Variants in ABCA2 observed in about 807,000 individuals in gnomAD.
ABCA2 encodes ATP binding cassette subfamily A member 2, also known as ATP-binding cassette sub-family A member 2.
Under a neutral mutation model 262.8 loss-of-function variants are expected in ABCA2, and 84 were observed. That is an observed-to-expected ratio of 0.32 (90% CI 0.27 to 0.38). The LOEUF (loss-of-function observed/expected upper bound fraction) is 0.38. Ranked by LOEUF, ABCA2 falls within the 10% of genes least tolerant of loss-of-function variation. ABCA2 has a pLI of 1.00. For missense variants in ABCA2, 2,662 were observed against 3,405.9 expected, an observed-to-expected ratio of 0.78 and a Z score of 5.44; for synonymous variants, 1,696 against 1,502.9, an observed-to-expected ratio of 1.13 and a Z score of -2.97.
chr9:137,008,096 T>C lies in ABCA2; in HGVS notation c.7276-132A>G. 2.5e-6 allele frequency: 3 copies of C among 1,182,376 alleles called. No individual in the cohort carries two copies. In the South Asian group the frequency reaches 4.3e-5, roughly 17 times the overall value. The allele number at this position is 1,182,376 out of a possible 1,614,324, so 73.2% of individuals were successfully genotyped here. A position where few individuals can be genotyped will look rare whatever the true frequency, so the allele number is the denominator to read the frequency against. On this transcript the variant is annotated intron_variant, in intron 48 of 48. Transcript: ENST00000341511. ...ACGCAGGGTCTCCCCACGAGCTCCC[T>C]CTGTGTCTGGGCTCTCCCGGGCCTC...
intron 45 of ABCA2, 92 bp from the exon 46 acceptor site, chr9:137,009,145 C>A: frequency 7.7e-7 from 1 of 1,297,728 alleles, no homozygotes. Flanking sequence ...CCACAGGCAC[C>A]CCAGGAAGCC....
intron 1 of ABCA2, among the ~76,000 whole-genome samples, chr9:137,025,368 G>A (rs1227490465): frequency 2.6e-5 from 4 of 152,310 alleles, no homozygotes; most frequent in Non-Finnish European, 4.4e-5. Context: ...CAGGACAGAG[G>A]GGCCCTGCCC....
chr9:137,016,745 G>T lies in ABCA2; in HGVS notation c.2759-7C>A. The T allele has an allele frequency of 6.5e-7, 1 of 1,544,314 alleles. No individual in the cohort carries two copies. The highest frequency in any genetic ancestry group is 1.4e-5 in the African/African-American group (1 of 73,602). Reference sequence around the variant, plus strand: ...CGGGGCAGCCCGTACATGCCTGGGGGTCGGGGAGGGGAGGGGAGGCTGACC... The same window carrying T: ...CGGGGCAGCCCGTACATGCCTGGGGTTCGGGGAGGGGAGGGGAGGCTGACC... On this transcript the variant is annotated splice_region_variant and splice_polypyrimidine_tract_variant and intron_variant, in intron 19 of 48. Transcript: ENST00000341511.
Position 137,008,913 on chromosome 9 carries a change from G to A in ABCA2, c.6930+38C>T, listed in dbSNP as rs371871913. 48 of 743,664 alleles carry A rather than the reference G, an allele frequency of 6.5e-5. No individual in the cohort carries two copies. In the Middle Eastern group the frequency reaches 4.3e-3, roughly 66 times the overall value. The allele number at this position is 743,664 out of a possible 1,614,324, so 46.1% of individuals were successfully genotyped here. A position where few individuals can be genotyped will look rare whatever the true frequency, so the allele number is the denominator to read the frequency against. ...AGGCCTGGCAGCGCCCCCCCACCCCGTAGCGCCCCCTCCACAACCCTGCCC... is the reference window on the plus strand; with the variant it reads ...AGGCCTGGCAGCGCCCCCCCACCCCATAGCGCCCCCTCCACAACCCTGCCC... On this transcript the variant is annotated intron_variant, in intron 46 of 48. Coordinates refer to ENST00000341511, the MANE Select transcript of ABCA2 (RefSeq NM_001606.5).
In ABCA2 at chr9:137,013,329, C is replaced by T. The variant is rs1333655512; in HGVS notation, c.4551-11G>A. 16 of 1,539,086 alleles carry T rather than the reference C, an allele frequency of 1.0e-5. No individual in the cohort carries two copies. The highest frequency in any genetic ancestry group is 2.2e-4 in the Middle Eastern group (1 of 4,454). On this transcript the variant is annotated splice_polypyrimidine_tract_variant and intron_variant, in intron 29 of 48. Transcript: ENST00000341511. ...GGCGATAGCCGCAGCCTGCGGGCAC[C>T]GACAGTGTGAGGTGGGGCTGCCAGT... is the stretch of plus-strand genomic sequence containing the variant.
Position 137,012,765 on chromosome 9 carries a change from G to T in ABCA2, c.5028C>A (p.Gly1676=), listed in dbSNP as rs1344196896. 1.9e-6 allele frequency: 3 copies of T among 1,612,562 alleles called. No individual in the cohort carries two copies. The highest frequency in any genetic ancestry group is 2.7e-5 in the African/African-American group (2 of 74,936). ...AGAGCAGGTACTCAGAGACATTGTG[G>T]CCGGTGATGTCGGTCAGGATGTCGC... ...VTGDILTDIT[G]HNVSEYLLFT... is the part of the protein sequence containing the mutation. The change falls in exon 31 of 49, where the codon GGC becomes GGA. Residue 1676 remains glycine (G), a synonymous_variant. Transcript: ENST00000341511.
In ABCA2 at chr9:137,020,927, G is replaced by A; in HGVS notation, c.1032C>T (p.Ala344=). Residue 344 remains alanine, a synonymous_variant, in exon 9 of 49, where the codon GCC becomes GCT. Coordinates refer to ENST00000341511, the MANE Select transcript of ABCA2 (RefSeq NM_001606.5). Reference sequence around the variant, plus strand: ...TGCAGGCACCCTGGGGCAGTAGCAGGGCCAGGGCCGACAGGACATCCACAT... The same window carrying A: ...TGCAGGCACCCTGGGGCAGTAGCAGAGCCAGGGCCGACAGGACATCCACAT... ...LQDVDVLSAL[A]LLLPQGACTG... 6.4e-7 allele frequency: 1 copy of A among 1,566,208 alleles called. No individual in the cohort carries two copies. The highest frequency in any genetic ancestry group is 8.7e-7 in the Non-Finnish European group (1 of 1,155,836).
rs2131431466 is a variant in ABCA2, at chr9:137,010,822, G to GCATGTA, written c.6057-91_6057-86dup. The GCATGTA allele has an allele frequency of 4.0e-6, 6 of 1,491,908 alleles. No individual in the cohort carries two copies. In the South Asian group the frequency reaches 6.0e-5, roughly 15 times the overall value. The allele number at this position is 1,491,908 out of a possible 1,614,324, so 92.4% of individuals were successfully genotyped here. A position where few individuals can be genotyped will look rare whatever the true frequency, so the allele number is the denominator to read the frequency against. On this transcript the variant is annotated intron_variant, in intron 39 of 48. Transcript: ENST00000341511. Reference sequence around the variant, plus strand: ...ACCAGCCTCGCATCCTCTGGCTGTGGCATGTAAGAAGGGTGGGCAGGCCCC... The same window carrying GCATGTA: ...ACCAGCCTCGCATCCTCTGGCTGTGGCATGTACATGTAAGAAGGGTGGGCAGGCCCC...
In ABCA2 at chr9:137,008,572, C is replaced by T. The variant is rs1234804377; in HGVS notation, c.7119G>A (p.Glu2373=). 2.5e-6 allele frequency: 4 copies of T among 1,609,196 alleles called. No individual in the cohort carries two copies. Among genetic ancestry groups the T allele is most frequent in the Non-Finnish European group, 3.4e-6 (4 of 1,178,530 alleles). Residue 2373 remains glutamate, a synonymous_variant, in exon 48 of 49, where the codon GAG becomes GAA. Transcript: ENST00000341511. The part of the protein sequence containing the change: ...KKQSDNLEQQ[E]TEPPSALQSP... Reference sequence around the variant, plus strand: ...ACTGCAGTGCGGATGGCGGCTCCGTCTCCTGCTGCTCCAGGTTGTCACTCT... The same window carrying T: ...ACTGCAGTGCGGATGGCGGCTCCGTTTCCTGCTGCTCCAGGTTGTCACTCT...
chr9:137,013,076 G>A lies in ABCA2; in HGVS notation c.4793C>T (p.Pro1598Leu). Residue 1598 changes from proline to leucine, a missense_variant, in exon 30 of 49, where the codon CCA becomes CTA. Physicochemically the swap from Pro to Leu is moderately conservative, Grantham distance 98. Transcript: ENST00000341511. Reference sequence around the variant, plus strand: ...ATCCGGGGACGCTGGCGAGTCAGATGGGGCGGGCGAGGGTGGGGGTGGCAC... The same window carrying A: ...ATCCGGGGACGCTGGCGAGTCAGATAGGGCGGGCGAGGGTGGGGGTGGCAC... ...NFVPPPPSPA[P>L]SDSPASPDED... The A allele has an allele frequency of 6.4e-7, 1 of 1,568,796 alleles. No individual in the cohort carries two copies. The highest frequency in any genetic ancestry group is 8.6e-7 in the Non-Finnish European group (1 of 1,160,206).
At chr9:137,008,059 G>A in intron 48 of ABCA2, 95 bp from the exon 49 acceptor site, 1 of 1,472,010 alleles carries the variant, frequency 6.8e-7, no homozygotes, top group South Asian at 1.3e-5. Context: ...CCCTCCTGCA[G>A]GCTGGGCCTG....
intron 45 of ABCA2, 97 bp downstream of exon 45, chr9:137,009,273 C>T: frequency 1.8e-6 from 2 of 1,138,962 alleles, no homozygotes; most frequent in East Asian, 2.9e-5. Context: ...GGCCCCACAG[C>T]CCTCACAGCC....
chr9:137,023,376 T>G lies in ABCA2; in HGVS notation c.164-324A>C, dbSNP rs576338715. ...TCTCCCCCCGAAAACGTTTCAGGTG[T>G]GGCACTGCCTACAGAGCCCAGGGGA... On this transcript the variant is annotated intron_variant, in intron 3 of 48. Transcript: ENST00000341511. 43 of 707,158 alleles carry G rather than the reference T, an allele frequency of 6.1e-5. No individual in the cohort carries two copies. The East Asian group carries it at 1.0e-3, about 17-fold the overall frequency. The allele number at this position is 707,158 out of a possible 1,614,324, so 43.8% of individuals were successfully genotyped here. A position where few individuals can be genotyped will look rare whatever the true frequency, so the allele number is the denominator to read the frequency against.
intron 46 of ABCA2, 32 bp from the exon 47 acceptor site, chr9:137,008,900 G>GCCCCCCCCCCCCCCTTGCGCCCC (rs59031144): frequency 2.6e-6 from 4 of 1,556,396 alleles, no homozygotes; most frequent in Admixed American, 1.7e-5. Flanking sequence ...GCCTGGCAGC[G>GCCCCCCCCCCCCCCTTGCGCCCC]CCCCCCCACC....
Position 137,019,380 on chromosome 9 carries a change from C to A in ABCA2, c.1426-74G>T. 5.8e-6 allele frequency: 9 copies of A among 1,558,294 alleles called. No homozygotes were observed. Among genetic ancestry groups the A allele is most frequent in the Non-Finnish European group, 8.7e-7 (1 of 1,144,754 alleles). ...GACTTGGGGGCTCTCACCCCACTCACCTCCCCAGTGGCTGGTCCATTGCCA... is the reference window on the plus strand; with the variant it reads ...GACTTGGGGGCTCTCACCCCACTCAACTCCCCAGTGGCTGGTCCATTGCCA... On this transcript the variant is annotated intron_variant, in intron 10 of 48. Coordinates refer to ENST00000341511, the MANE Select transcript of ABCA2 (RefSeq NM_001606.5). This position sits in a 1 kb window ranked among gnomAD's most constrained non-coding sequence, Gnocchi z 4.4.
Position 137,013,481 on chromosome 9 carries a change from G to A in ABCA2, c.4530C>T (p.Asn1510=), listed in dbSNP as rs762012419. 57 of 1,608,578 alleles carry A rather than the reference G, an allele frequency of 3.5e-5. No individual in the cohort carries two copies. The highest frequency in any genetic ancestry group is 4.6e-5 in the Non-Finnish European group (54 of 1,178,916). The stretch of plus-strand genomic sequence containing the variant: ...CTCACCGGTACTCGCGGCGCTCCTC[G>A]TTGGCGTAGGGGATGAAATTGCCAC... ...QPRGNFIPYA[N]EERREYRLRL... is the part of the protein sequence containing the mutation. Residue 1510 remains asparagine (N), a synonymous_variant, in exon 29 of 49, where the codon AAC becomes AAT. Coordinates refer to ENST00000341511, the MANE Select transcript of ABCA2 (RefSeq NM_001606.5).
chr9:137,013,581 G>C lies in ABCA2; in HGVS notation c.4448-18C>G. 1.3e-6 allele frequency: 2 copies of C among 1,596,658 alleles called. No individual in the cohort carries two copies. Among genetic ancestry groups the C allele is most frequent in the Non-Finnish European group, 8.5e-7 (1 of 1,173,032 alleles). On this transcript the variant is annotated intron_variant, in intron 28 of 48. Transcript: ENST00000341511. ...CAGATCACCTGGCAGGGCGAGCAGG[G>C]AGGCCTGAGCAGGTTCTGCCCTCTG...
At chr9:137,015,284 G>A (rs1398233061) in intron 24 of ABCA2, 130 bp downstream of exon 24, 1 of 1,275,888 alleles carries the variant, frequency 7.8e-7, no homozygotes, top group Non-Finnish European at 1.1e-6. Context: ...CAGAGGGCGG[G>A]CCAGGCCCCA....
In ABCA2 at chr9:137,020,795, G is replaced by C; in HGVS notation, c.1164C>G (p.Pro388=). 6.3e-7 allele frequency: 1 copy of C among 1,585,050 alleles called. No homozygotes were observed. The change falls in exon 9 of 49, where the codon CCC becomes CCG. Residue 388 remains proline, a synonymous_variant. Coordinates refer to ENST00000341511, the MANE Select transcript of ABCA2 (RefSeq NM_001606.5). ...GPNATAEEGA[P]SAAALATPDT... ...CCGGGGTGGCCAGTGCTGCAGCAGAGGGTGCGCCCTCCTCAGCGGTGGCGT... is the reference window on the plus strand; with the variant it reads ...CCGGGGTGGCCAGTGCTGCAGCAGACGGTGCGCCCTCCTCAGCGGTGGCGT...
Sources: gnomAD v4.1 joint callset for allele counts (sites outside exome capture counted in the v4.1 genomes callset) on GRCh38, gnomAD v4.1.1 for gene constraint, Gnocchi (gnomAD v3.1) non-coding constraint, MANE v1.5 for transcripts, NCBI Gene and HGNC (gene_info 2026-07-23, HGNC 2026-07-21) for gene names.